The following SLIT1 variants were observed in gnomAD, a reference collection of about 807,000 sequenced individuals.
SLIT1 encodes slit guidance ligand 1.
In SLIT1, 66 loss-of-function variants were observed where a neutral mutation model predicts 186.1. The ratio of observed to expected loss-of-function variants is 0.35; its 90% CI spans 0.29 to 0.44. The LOEUF is 0.44. Ranked by LOEUF, SLIT1 falls within the 20% of genes least tolerant of loss-of-function variation. SLIT1 has a pLI of 1.00. For synonymous variants in SLIT1, 761 were observed against 833.8 expected, an observed-to-expected ratio of 0.91 and a Z score of 1.50; for missense variants, 1,638 against 2,037.4, an observed-to-expected ratio of 0.80 and a Z score of 3.77.
chr10:97,099,611 C>T (rs114594218), intron 4 of SLIT1, among the ~76,000 whole-genome samples: 3,370 of 152,250 alleles, frequency 0.022, 130 homozygotes, highest in African/African-American at 0.076. Flanking sequence ...TGTGTACATA[C>T]GTGTGTGTCA....
intron 2 of SLIT1, 30 bp downstream of exon 2, chr10:97,164,789 G>A (rs750944519): frequency 2.3e-5 from 36 of 1,542,408 alleles, no homozygotes; most frequent in East Asian, 4.5e-5. Context: ...ATTGCCAGGG[G>A]TGGGGTGGGA....
rs370949157 is a variant in SLIT1 at position 97,001,111 on chromosome 10, G to A, written c.*1C>T. The A allele has an allele frequency of 1.8e-5, 29 of 1,611,664 alleles. No homozygotes were observed. The highest frequency in any genetic ancestry group is 2.2e-5 in the South Asian group (2 of 91,052). On this transcript the variant is annotated 3_prime_UTR_variant, in exon 37 of 37. Transcript: ENST00000266058. ...CCTCACCGGCCTGTCCACGCCCAGC[G>A]CTATGCGCAGAGGGCACAGCCACAC...
intron 4 of SLIT1, among the ~76,000 whole-genome samples, chr10:97,101,800 G>A (rs1019275989): frequency 1.3e-5 from 2 of 152,238 alleles, no homozygotes; most frequent in Admixed American, 1.3e-4. Context: ...CTGGTGTGTT[G>A]AGCCACAACG....
intron 3 of SLIT1, among the ~76,000 whole-genome samples, chr10:97,162,386 T>A (rs1318391188): frequency 1.3e-5 from 2 of 152,092 alleles, no homozygotes; most frequent in African/African-American, 4.8e-5. Context: ...GAGGCAGGTG[T>A]GTCACCTGAG....
Position 97,017,257 on chromosome 10 carries a change from G to A in SLIT1, c.2969+1329C>T, listed in dbSNP as rs184556891. Among the ~76,000 whole-genome samples, 3 of 152,324 alleles carry A rather than the reference G, an allele frequency of 2.0e-5. No individual in the cohort carries two copies. In the East Asian group the frequency reaches 5.8e-4, roughly 29 times the overall value. ...GAGGCTGGGTGCAGAGTGTAAGGAC[G>A]CCGTTTCCAAGGCAACCAGGGGAAG... On this transcript the variant is annotated intron_variant, in intron 28 of 36. Coordinates refer to ENST00000266058, the MANE Select transcript of SLIT1 (RefSeq NM_003061.3).
intron 22 of SLIT1, among the ~76,000 whole-genome samples, chr10:97,035,042 C>G (rs1029668395): frequency 6.6e-5 from 10 of 152,198 alleles, no homozygotes; most frequent in Non-Finnish European, 1.3e-4. Flanking sequence ...GAGCCAGATT[C>G]AAAGCCGGTC....
intron 18 of SLIT1, among the ~76,000 whole-genome samples, chr10:97,044,196 A>T (rs892373247): frequency 9.2e-5 from 14 of 152,250 alleles, no homozygotes; most frequent in African/African-American, 3.4e-4. Context: ...GGGGTTTGAG[A>T]CCAGCCTGGG....
At chr10:97,115,041 G>C (rs1179482286) in intron 4 of SLIT1, among the ~76,000 whole-genome samples, 1 of 152,202 alleles carries the variant, frequency 6.6e-6, no homozygotes, top group South Asian at 2.1e-4. Flanking sequence ...CCTGGTGTCA[G>C]AGTAGATGCT....
At chr10:97,017,055 C>T (rs1242226907) in intron 28 of SLIT1, among the ~76,000 whole-genome samples, 3 of 152,172 alleles carry the variant, frequency 2.0e-5, no homozygotes, top group Non-Finnish European at 4.4e-5. Context: ...CTCGTGGAGG[C>T]ACCCCCTTTC....
chr10:97,014,176 G>A lies in SLIT1; in HGVS notation c.2970-18C>T, dbSNP rs1279109007. Reference sequence around the variant, plus strand: ...AGGAGCACCTGTGCGGGGAAGGGGAGGATGGAGAGACAGCCCTCTTGGAAC... The same window carrying A: ...AGGAGCACCTGTGCGGGGAAGGGGAAGATGGAGAGACAGCCCTCTTGGAAC... On this transcript the variant is annotated intron_variant, in intron 28 of 36. Coordinates refer to ENST00000266058, the MANE Select transcript of SLIT1 (RefSeq NM_003061.3). 1 of 1,612,156 alleles carries A rather than the reference G, an allele frequency of 6.2e-7. No homozygotes were observed. The highest frequency in any genetic ancestry group is 8.5e-7 in the Non-Finnish European group (1 of 1,179,930).
At chr10:97,163,303 C>T in intron 3 of SLIT1, 77 bp downstream of exon 3, 2 of 1,301,252 alleles carry the variant, frequency 1.5e-6, no homozygotes, top group African/African-American at 1.4e-5. Context: ...CCCCTCATCC[C>T]TGGCAGCAGC....
At position 96,998,407 on chromosome 10, in the gene SLIT1, G is replaced by GC. The variant is rs1418960147; in HGVS notation, c.*2704dup. 2 of 152,258 alleles carry GC rather than the reference G, an allele frequency of 1.3e-5. No individual in the cohort carries two copies. The highest frequency in any genetic ancestry group is 2.9e-5 in the Non-Finnish European group (2 of 68,092). 9.4% of individuals were successfully genotyped at this position (152,258 alleles called of 1,614,324 possible). A position where few individuals can be genotyped will look rare whatever the true frequency, so the allele number is the denominator to read the frequency against. ...CCACTTCCTGACACCTTCACCGGGA[G>GC]CCCCGGCCCTGTTGCCAGTGGTGTT... On this transcript the variant is annotated 3_prime_UTR_variant, in exon 37 of 37. Coordinates refer to ENST00000266058, the MANE Select transcript of SLIT1 (RefSeq NM_003061.3).
chr10:97,139,356 C>T (rs1056013540), intron 4 of SLIT1, among the ~76,000 whole-genome samples: 1 of 152,220 alleles, frequency 6.6e-6, no homozygotes, highest in Non-Finnish European at 1.5e-5. Flanking sequence ...AGTGTGCTCC[C>T]CTCAAACGGA....
At position 97,014,140 on chromosome 10, in the gene SLIT1, G is replaced by T; in HGVS notation, c.2988C>A (p.Gly996=). Residue 996 remains glycine (G), a synonymous_variant, in exon 29 of 37, where the codon GGC becomes GGA. Coordinates refer to ENST00000266058, the MANE Select transcript of SLIT1 (RefSeq NM_003061.3). ...TCACCCCACAGGTTGGTCCTTCAAA[G>T]CCGGTGGGACAGGAGCACCTGTGCG... ...DAPFTCSCPT[G]FEGPTCGVNT... 8.1e-6 allele frequency: 13 copies of T among 1,613,922 alleles called. No individual in the cohort carries two copies. Among genetic ancestry groups the T allele is most frequent in the Non-Finnish European group, 1.0e-5 (12 of 1,180,048 alleles).
chr10:97,138,959 C>T (rs1849731247), intron 4 of SLIT1, among the ~76,000 whole-genome samples: 1 of 152,222 alleles, frequency 6.6e-6, no homozygotes, highest in South Asian at 2.1e-4. Context: ...CCCGCAGCAC[C>T]ACCAGTCAAC....
intron 4 of SLIT1, among the ~76,000 whole-genome samples, chr10:97,147,224 A>G (rs1589410957): frequency 6.6e-6 from 1 of 152,226 alleles, no homozygotes; most frequent in African/African-American, 2.4e-5. Flanking sequence ...TACTGAGAAC[A>G]GGCAAAGTTT....
intron 4 of SLIT1, among the ~76,000 whole-genome samples, chr10:97,141,073 G>C (rs1207274188): frequency 6.6e-6 from 1 of 152,076 alleles, no homozygotes; most frequent in South Asian, 2.1e-4. Context: ...CTCCCTTGTC[G>C]GAGGCTCTGC....
intron 1 of SLIT1, among the ~76,000 whole-genome samples, chr10:97,169,891 A>G (rs541796317): frequency 3.6e-4 from 55 of 152,374 alleles, no homozygotes; most frequent in African/African-American, 1.3e-3. Flanking sequence ...CACAAGGCTA[A>G]TAAGTGGTGG....
chr10:97,133,595 C>A (rs114675070), intron 4 of SLIT1, among the ~76,000 whole-genome samples: 2,670 of 152,076 alleles, frequency 0.018, 74 homozygotes, highest in African/African-American at 0.061. Context: ...CACAACGATG[C>A]GAACTTAACA....
Sources: allele counts gnomAD v4.1 joint callset (sites outside exome capture counted in the v4.1 genomes callset), GRCh38; gene constraint gnomAD v4.1.1; transcripts MANE v1.5; gene names NCBI Gene and HGNC (gene_info 2026-07-23, HGNC 2026-07-21).